The following SORCS3 variants were observed in gnomAD, a reference collection of about 807,000 sequenced individuals.
The protein encoded by SORCS3 is sortilin related VPS10 domain containing receptor 3.
A neutral mutation model predicts 146.3 loss-of-function variants in SORCS3; 57 were observed. The ratio of observed to expected loss-of-function variants is 0.39; its 90% confidence interval spans 0.31 to 0.49. The LOEUF is 0.49. SORCS3 is among the 20% of genes least tolerant of loss of function. The probability of loss-of-function intolerance (pLI) is 0.92; values close to 1 mark genes in which losing one functional copy is unlikely to be tolerated. For missense variants in SORCS3, 1,341 were observed against 1,575.5 expected (o/e 0.85, Z 2.52); for synonymous variants, 653 against 618.5 (o/e 1.06, Z -0.83).
intron 17 of SORCS3, among the ~76,000 whole-genome samples, chr10:105,212,184 T>G (rs2056638043): frequency 6.6e-6 from 1 of 152,148 alleles, no homozygotes; most frequent in East Asian, 1.9e-4. Flanking sequence ...AAGGAAAAAA[T>G]ATGATGAAAA....
chr10:104,960,923 G>T (rs1353384264), intron 3 of SORCS3, among the ~76,000 whole-genome samples: 1 of 152,112 alleles, frequency 6.6e-6, no homozygotes, highest in Non-Finnish European at 1.5e-5. Flanking sequence ...GTGACAATCT[G>T]CAGTTCTTAA....
intron 1 of SORCS3, among the ~76,000 whole-genome samples, chr10:104,819,861 T>C (rs952622132): frequency 6.6e-6 from 1 of 152,150 alleles, no homozygotes; most frequent in Admixed American, 6.5e-5. Flanking sequence ...AGGAGGGAAA[T>C]GCAGAAGGCA....
intron 6 of SORCS3, among the ~76,000 whole-genome samples, chr10:105,096,413 A>G (rs552995969): frequency 6.6e-6 from 1 of 152,130 alleles, no homozygotes; most frequent in Non-Finnish European, 1.5e-5. Context: ...TTTGATTAAC[A>G]CTGCACTGCA....
chr10:105,211,007 T>C (rs1275993806), intron 16 of SORCS3, 130 bp from the exon 17 acceptor site: 1 of 602,598 alleles, frequency 1.7e-6, no homozygotes, highest in Non-Finnish European at 3.1e-6. Flanking sequence ...TTACCCTCAC[T>C]GGGGATATTT....
intron 7 of SORCS3, among the ~76,000 whole-genome samples, chr10:105,124,913 T>C (rs1341672666): frequency 6.6e-6 from 1 of 152,220 alleles, no homozygotes; most frequent in East Asian, 1.9e-4. Flanking sequence ...TCTGTCTGAT[T>C]CTCTGGAATA....
intron 6 of SORCS3, among the ~76,000 whole-genome samples, chr10:105,097,756 A>G (rs1290065751): frequency 6.6e-6 from 1 of 152,226 alleles, no homozygotes; most frequent in African/African-American, 2.4e-5. Flanking sequence ...AACAACAGAG[A>G]GTACCCAAAG....
At chr10:105,129,331 CTTTTTTTTTTTTTT>C (rs71022753) in intron 7 of SORCS3, among the ~76,000 whole-genome samples, 1 of 104,634 alleles carries the variant, frequency 9.6e-6, no homozygotes, top group Admixed American at 1.1e-4. Flanking sequence ...CTTTCTTTCT[CTTTTTTTTTTTTTT>C]TTTTTTTTTT....
chr10:104,712,477 A>G (rs1209213444), intron 1 of SORCS3, among the ~76,000 whole-genome samples: 1 of 152,242 alleles, frequency 6.6e-6, no homozygotes, highest in Non-Finnish European at 1.5e-5. Context: ...TTTCTAAGCC[A>G]TCCTCACATG....
intron 8 of SORCS3, among the ~76,000 whole-genome samples, chr10:105,146,195 C>G (rs1054516144): frequency 6.6e-6 from 1 of 152,032 alleles, no homozygotes; most frequent in Non-Finnish European, 1.5e-5. Flanking sequence ...AAATGATTAT[C>G]CATGTCCTCC....
At chr10:104,714,450 G>T (rs1036662245) in intron 1 of SORCS3, among the ~76,000 whole-genome samples, 4 of 152,102 alleles carry the variant, frequency 2.6e-5, no homozygotes, top group South Asian at 2.1e-4. Flanking sequence ...TTGATAAGTT[G>T]TATTTTAATT....
At position 105,180,441 on chromosome 10, in the gene SORCS3, C is replaced by G. The variant is rs527469312; in HGVS notation, c.2009+2268C>G. On this transcript the variant is annotated intron_variant, in intron 14 of 26. Coordinates refer to ENST00000369701, the MANE Select transcript of SORCS3 (RefSeq NM_014978.3). ...GTAATCGTTGAATGAATGAATGATT[C>G]CAAGGCAAAGGAAAGAACACAAACA... 5.3e-5 allele frequency among the ~76,000 whole-genome samples: 8 copies of G among 152,214 alleles called. No individual in the cohort carries two copies. In the South Asian group the frequency reaches 1.7e-3, roughly 32 times the overall value.
intron 1 of SORCS3, among the ~76,000 whole-genome samples, chr10:104,684,294 G>T (rs2016015937): frequency 6.6e-6 from 1 of 152,194 alleles, no homozygotes; most frequent in African/African-American, 2.4e-5. Context: ...CATGTGGCAG[G>T]GAATGGAGCT....
chr10:104,884,650 A>G lies in SORCS3; in HGVS notation c.696-31183A>G, dbSNP rs137933177. Among the ~76,000 whole-genome samples, 494 of 152,286 alleles carry G rather than the reference A, an allele frequency of 3.2e-3. 2 individuals carry two copies. The highest frequency in any genetic ancestry group is 0.018 in the South Asian group (87 of 4,824). On this transcript the variant is annotated intron_variant, in intron 2 of 26. Transcript: ENST00000369701. ...AAGGGAGGATCAGGTTCCATTGGGT[A>G]TAGGAAGGAGGTGACCTTTTTGAGA... is the stretch of plus-strand genomic sequence containing the variant.
chr10:105,147,189 A>C (rs1407935736), intron 8 of SORCS3, among the ~76,000 whole-genome samples: 5 of 152,130 alleles, frequency 3.3e-5, no homozygotes, highest in African/African-American at 1.2e-4. Context: ...ATGACTCTGA[A>C]GATTTTAAAG....
At position 104,641,888 on chromosome 10, in the gene SORCS3, C is replaced by T. The variant is rs1271646638; in HGVS notation, c.561C>T (p.Ser187=). 9 of 1,593,948 alleles carry T rather than the reference C, an allele frequency of 5.6e-6. No homozygotes were observed. Among genetic ancestry groups the T allele is most frequent in the Non-Finnish European group, 1.7e-6 (2 of 1,174,882 alleles). ...AAGACCTCCGGCTGCCCAGCACCTC[C>T]TTCGCGCTGACCGGGGACTCGGCCC... The part of the protein sequence containing the change: ...AAEDLRLPST[S]FALTGDSAHN... The change falls in exon 1 of 27, where the codon TCC becomes TCT. Residue 187 remains serine, a synonymous_variant. Coordinates refer to ENST00000369701, the MANE Select transcript of SORCS3 (RefSeq NM_014978.3). The surrounding 1 kb of genome is among the most constrained non-coding windows in gnomAD (Gnocchi z 6.4).
At chr10:105,177,552 C>T (rs1284090014) in intron 13 of SORCS3, among the ~76,000 whole-genome samples, 1 of 152,158 alleles carries the variant, frequency 6.6e-6, no homozygotes, top group Non-Finnish European at 1.5e-5. Flanking sequence ...ACATCTCAGA[C>T]TCTCAGTGGT....
chr10:105,060,915 C>G (rs906082295), intron 5 of SORCS3, among the ~76,000 whole-genome samples: 2 of 147,666 alleles, frequency 1.4e-5, no homozygotes, highest in Non-Finnish European at 3.0e-5. Flanking sequence ...CCAGCCTGGC[C>G]AACAAGAGTG....
chr10:104,882,850 G>A (rs2018644849), intron 2 of SORCS3, among the ~76,000 whole-genome samples: 1 of 152,214 alleles, frequency 6.6e-6, no homozygotes, highest in Admixed American at 6.5e-5. Flanking sequence ...AAAAAGGAAT[G>A]CTAATTCATT....
chr10:104,950,054 T>C (rs2019412505), intron 3 of SORCS3, among the ~76,000 whole-genome samples: 1 of 152,176 alleles, frequency 6.6e-6, no homozygotes, highest in Admixed American at 6.5e-5. Flanking sequence ...GATGCAGAGG[T>C]AGAAGTCAGG....
Sources: allele counts gnomAD v4.1 joint callset (sites outside exome capture counted in the v4.1 genomes callset), GRCh38; gene constraint gnomAD v4.1.1; non-coding constraint Gnocchi (gnomAD v3.1); transcripts MANE v1.5; gene names NCBI Gene and HGNC (gene_info 2026-07-23, HGNC 2026-07-21).